The following UBE2H variants were observed in gnomAD, a reference collection of about 807,000 sequenced individuals.
UBE2H encodes ubiquitin conjugating enzyme E2 H, also known as ubiquitin-conjugating enzyme E2 H.
In UBE2H, 3 loss-of-function variants were observed where a neutral mutation model predicts 29.0. The ratio of observed to expected loss-of-function variants is 0.10; its 90% CI spans 0.05 to 0.27. UBE2H has a LOEUF of 0.27. Among genes scored for constraint, UBE2H ranks in the 10% least tolerant of loss-of-function variants. The pLI, the probability that UBE2H is intolerant of heterozygous loss-of-function variation, is 1.00. For synonymous variants in UBE2H, 69 were observed against 82.9 expected (o/e 0.83, Z 0.91); for missense variants, 68 against 228.2 (o/e 0.30, Z 4.52).
intron 1 of UBE2H, among the ~76,000 whole-genome samples, chr7:129,944,742 A>ACG (rs1563054870): frequency 6.2e-5 from 8 of 128,624 alleles, no homozygotes; most frequent in African/African-American, 1.3e-4. Context: ...ACACACACAC[A>ACG]CACACACACG....
intron 1 of UBE2H, among the ~76,000 whole-genome samples, chr7:129,903,093 G>C (rs961703905): frequency 6.6e-6 from 1 of 152,184 alleles, no homozygotes; most frequent in Non-Finnish European, 1.5e-5. Flanking sequence ...GTGCAGCCAA[G>C]GGCACAGAAT....
chr7:129,944,223 G>A (rs193299689), intron 1 of UBE2H, among the ~76,000 whole-genome samples: 87 of 152,180 alleles, frequency 5.7e-4, no homozygotes, highest in African/African-American at 2.0e-3. Flanking sequence ...AGGCTTGGTG[G>A]CGGGTGCCTG....
chr7:129,857,407 T>C, intron 5 of UBE2H, 104 bp downstream of exon 5: 1 of 1,247,062 alleles, frequency 8.0e-7, no homozygotes, highest in Non-Finnish European at 1.1e-6. Flanking sequence ...AAAAATCCCT[T>C]CCCATTACCA....
At chr7:129,943,248 A>C (rs1807684753) in intron 1 of UBE2H, among the ~76,000 whole-genome samples, 1 of 152,168 alleles carries the variant, frequency 6.6e-6, no homozygotes, top group African/African-American at 2.4e-5. Flanking sequence ...AACTCACCAC[A>C]ACCTCTGCCT....
chr7:129,914,167 A>G (rs1806997172), intron 1 of UBE2H, among the ~76,000 whole-genome samples: 1 of 150,850 alleles, frequency 6.6e-6, no homozygotes, highest in Non-Finnish European at 1.5e-5. Context: ...CACCTCAAAA[A>G]TCAATTTTTT....
chr7:129,903,006 C>A (rs561578231), intron 1 of UBE2H, among the ~76,000 whole-genome samples: 2 of 152,294 alleles, frequency 1.3e-5, no homozygotes, highest in South Asian at 2.1e-4. Flanking sequence ...GCTATTGAGT[C>A]GTAGAGCTGC....
intron 1 of UBE2H, among the ~76,000 whole-genome samples, chr7:129,910,796 C>T (rs1806919263): frequency 6.6e-6 from 1 of 151,992 alleles, no homozygotes; most frequent in Non-Finnish European, 1.5e-5. Flanking sequence ...GCAGGAGAAT[C>T]ACTTGAACCC....
intron 1 of UBE2H, among the ~76,000 whole-genome samples, chr7:129,896,494 C>T (rs1438519237): frequency 3.3e-5 from 5 of 152,130 alleles, no homozygotes; most frequent in African/African-American, 4.8e-5. Flanking sequence ...AGCCTCGACC[C>T]TCCCAGGTTC....
In UBE2H at chr7:129,867,623, G is replaced by A. The variant is rs1362288827; in HGVS notation, c.206-8682C>T. Among the ~76,000 whole-genome samples, 22 of 99,348 alleles carry A rather than the reference G, an allele frequency of 2.2e-4. No homozygotes were observed. In the East Asian group the frequency reaches 4.5e-3, roughly 20 times the overall value. 65.2% of individuals were successfully genotyped at this position (99,348 alleles called of 152,430 possible). ...TAGATGACACATTAGTGGGTGCAGC[G>A]CACCAGCATGGCACATGTATACATA... On this transcript the variant is annotated intron_variant, in intron 3 of 6. Transcript: ENST00000355621.
At chr7:129,897,603 A>C (rs1806624153) in intron 1 of UBE2H, among the ~76,000 whole-genome samples, 1 of 152,238 alleles carries the variant, frequency 6.6e-6, no homozygotes, top group Non-Finnish European at 1.5e-5. Context: ...ATTCTGAAAA[A>C]AGCAAAACTA....
intron 1 of UBE2H, among the ~76,000 whole-genome samples, chr7:129,929,709 AAATATTAT>A (rs1311661797): frequency 6.6e-5 from 10 of 152,146 alleles, no homozygotes; most frequent in African/African-American, 2.2e-4. Context: ...AGTCTGGTTC[AAATATTAT>A]ATTAACACAT....
At chr7:129,868,933 CTCTTTTT>C (rs776718620) in intron 3 of UBE2H, among the ~76,000 whole-genome samples, 4 of 96,932 alleles carry the variant, frequency 4.1e-5, no homozygotes, top group Non-Finnish European at 2.2e-5. Flanking sequence ...CTCTCTCTCT[CTCTTTTT>C]TTTTTTTTTT....
In UBE2H at chr7:129,946,053, TA is replaced by T. The variant is rs1000909168; in HGVS notation, c.53+6449del. Among the ~76,000 whole-genome samples, 17 of 31,318 alleles carry T rather than the reference TA, an allele frequency of 5.4e-4. No individual in the cohort carries two copies. The South Asian group carries it at 0.021, about 39-fold the overall frequency. 20.5% of individuals were successfully genotyped at this position (31,318 alleles called of 152,430 possible). A position where few individuals can be genotyped will look rare whatever the true frequency, so the allele number is the denominator to read the frequency against. On this transcript the variant is annotated intron_variant, in intron 1 of 6. Coordinates refer to ENST00000355621, the MANE Select transcript of UBE2H (RefSeq NM_003344.4). ...GAGCCACTGTGCCCAGCCTAGTCAT[TA>T]TTATTTTTTTTTTTTTGAGACGAAG...
intron 1 of UBE2H, among the ~76,000 whole-genome samples, chr7:129,900,141 A>T (rs1212847427): frequency 2.0e-5 from 3 of 152,094 alleles, no homozygotes; most frequent in East Asian, 3.8e-4. Context: ...AAAAAAAAAA[A>T]AATTAAAATA....
intron 1 of UBE2H, among the ~76,000 whole-genome samples, chr7:129,893,868 C>T (rs889359529): frequency 2.0e-5 from 3 of 152,112 alleles, no homozygotes; most frequent in Non-Finnish European, 4.4e-5. Context: ...AATCAAAAGC[C>T]TACTTTTGGG....
chr7:129,907,260 C>T (rs1367973936), intron 1 of UBE2H, among the ~76,000 whole-genome samples: 2 of 151,932 alleles, frequency 1.3e-5, no homozygotes, highest in Admixed American at 6.6e-5. Context: ...ATACAAGTTG[C>T]GATAGTTAAG....
intron 3 of UBE2H, among the ~76,000 whole-genome samples, chr7:129,861,426 T>C (rs973626535): frequency 6.6e-6 from 1 of 152,092 alleles, no homozygotes; most frequent in Non-Finnish European, 1.5e-5. Flanking sequence ...TCACCACACC[T>C]GAACCAGAAC....
intron 1 of UBE2H, among the ~76,000 whole-genome samples, chr7:129,924,891 G>A (rs1227330169): frequency 6.6e-6 from 1 of 151,544 alleles, no homozygotes; most frequent in Non-Finnish European, 1.5e-5. Flanking sequence ...TTCAACCACC[G>A]CTGAACTCCC....
At chr7:129,873,276 C>T (rs914343473) in intron 3 of UBE2H, among the ~76,000 whole-genome samples, 5 of 152,084 alleles carry the variant, frequency 3.3e-5, no homozygotes, top group African/African-American at 1.2e-4. Flanking sequence ...GCCTCAGCCT[C>T]CCAAAGTGCT....
Sources: gnomAD v4.1 joint callset for allele counts (sites outside exome capture counted in the v4.1 genomes callset) on GRCh38, gnomAD v4.1.1 for gene constraint, MANE v1.5 for transcripts, NCBI Gene and HGNC (gene_info 2026-07-23, HGNC 2026-07-21) for gene names.